The following GABRR2 variants were observed in gnomAD, a reference collection of about 807,000 sequenced individuals.
The protein encoded by GABRR2 is gamma-aminobutyric acid type A receptor subunit rho2, also known as gamma-aminobutyric acid receptor subunit rho-2.
A neutral mutation model predicts 47.0 loss-of-function variants in GABRR2; 36 were observed. The observed-to-expected ratio is 0.77, with a 90% confidence interval of 0.59 to 1.01. GABRR2 has a LOEUF of 1.01. GABRR2 is among the 50% of genes least tolerant of loss of function. The probability of loss-of-function intolerance (pLI) is 0.00; values close to 1 mark genes in which losing one functional copy is unlikely to be tolerated. For synonymous variants in GABRR2, 204 were observed against 227.5 expected, an observed-to-expected ratio of 0.90 and a Z score of 0.93; for missense variants, 587 against 594.6, an observed-to-expected ratio of 0.99 and a Z score of 0.13.
At position 89,261,535 on chromosome 6, in the gene GABRR2, C is replaced by T. The variant is rs772800753; in HGVS notation, c.1086+2877G>A. 3.1e-4 allele frequency among the ~76,000 whole-genome samples: 47 copies of T among 152,172 alleles called. 1 individual carries two copies. Among genetic ancestry groups the T allele is most frequent in the South Asian group, 1.2e-3 (6 of 4,816 alleles). On this transcript the variant is annotated intron_variant, in intron 8 of 8. Transcript: ENST00000402938. ...CTTTTGGGATTTAGACACAACTGAC[C>T]AGCATTAATGCTGAAATAGAGATTG...
chr6:89,299,828 G>A lies in GABRR2; in HGVS notation c.151C>T (p.Arg51Trp), dbSNP rs141245331. The change falls in exon 2 of 9, where the codon CGG (arginine) becomes TGG (tryptophan). Residue 51 changes from arginine to tryptophan, a missense_variant. By Grantham distance (101) the Arg-to-Trp change is moderately radical. Transcript: ENST00000402938. ...YKKNLDVTKI[R>W]KGKPQQLLRV... ...AGAAGCTGCTGAGGCTTTCCCTTCC[G>A]GATCTTGGTCACATCAAGGTTCTTC... The A allele has an allele frequency of 6.1e-5, 98 of 1,613,812 alleles. No homozygotes were observed. The African/African-American group carries it at 7.1e-4, about 12-fold the overall frequency.
intron 8 of GABRR2, among the ~76,000 whole-genome samples, chr6:89,262,613 A>C (rs1773774845): frequency 6.6e-6 from 1 of 152,224 alleles, no homozygotes; most frequent in Non-Finnish European, 1.5e-5. Context: ...GGTATAATGC[A>C]GGTGTTGAAA....
At chr6:89,277,177 A>T (rs541842271) in intron 2 of GABRR2, among the ~76,000 whole-genome samples, 19 of 152,224 alleles carry the variant, frequency 1.2e-4, no homozygotes, top group African/African-American at 4.6e-4. Context: ...CGTGATAGTA[A>T]GTGAGTTCTC....
intron 2 of GABRR2, among the ~76,000 whole-genome samples, chr6:89,285,698 T>G (rs59149966): frequency 0.033 from 4,964 of 152,176 alleles, 285 homozygotes; most frequent in African/African-American, 0.11. Flanking sequence ...ATTACCGACC[T>G]TGAAGGAGAC....
rs372521154 is a variant in GABRR2 at position 89,280,155 on chromosome 6, G to A, written c.221-8433C>T. Among the ~76,000 whole-genome samples the A allele has an allele frequency of 1.2e-4, 18 of 148,726 alleles. No homozygotes were observed. In the East Asian group the frequency reaches 2.4e-3, roughly 20 times the overall value. On this transcript the variant is annotated intron_variant, in intron 2 of 8. Coordinates refer to ENST00000402938, the MANE Select transcript of GABRR2 (RefSeq NM_002043.5). ...ACCCGGGAAGTGGAGGTTGCAGTGA[G>A]CCAAGATCGTGCCACTATATTCCAG...
intron 6 of GABRR2, among the ~76,000 whole-genome samples, 193 bp downstream of exon 6, chr6:89,267,486 G>T (rs1170382002): frequency 2.0e-5 from 3 of 152,194 alleles, no homozygotes; most frequent in Non-Finnish European, 4.4e-5. Context: ...AGGATCACCT[G>T]AGCCTGGGAG....
intron 2 of GABRR2, among the ~76,000 whole-genome samples, chr6:89,282,118 G>A (rs758562489): frequency 6.6e-6 from 1 of 151,224 alleles, no homozygotes; most frequent in Non-Finnish European, 1.5e-5. Context: ...ACACACATTC[G>A]CACATATATA....
At chr6:89,272,567 A>T (rs1774077030) in intron 2 of GABRR2, among the ~76,000 whole-genome samples, 1 of 152,210 alleles carries the variant, frequency 6.6e-6, no homozygotes, top group African/African-American at 2.4e-5. Context: ...GGGAAAAACC[A>T]GCAACCTGCA....
At chr6:89,273,315 C>T (rs1774093487) in intron 2 of GABRR2, among the ~76,000 whole-genome samples, 1 of 152,182 alleles carries the variant, frequency 6.6e-6, no homozygotes, top group Non-Finnish European at 1.5e-5. Flanking sequence ...TCACTGCAAC[C>T]TCTGCCTCCC....
rs186989386 is a variant in GABRR2, at chr6:89,302,178, A to G, written c.114-2313T>C. 121 of 565,382 alleles carry G rather than the reference A, an allele frequency of 2.1e-4. No individual in the cohort carries two copies. The East Asian group carries it at 4.6e-3, about 22-fold the overall frequency. 35.0% of individuals were successfully genotyped at this position (565,382 alleles called of 1,614,324 possible). ...AACTGCGACGGTCTGTAGGGTTTCC[A>G]GCTGACCCTCTCGCTGGGCGGGGGC... On this transcript the variant is annotated intron_variant, in intron 1 of 8. Transcript: ENST00000402938.
chr6:89,282,997 C>T (rs1459014375), intron 2 of GABRR2, among the ~76,000 whole-genome samples: 1 of 152,252 alleles, frequency 6.6e-6, no homozygotes, highest in East Asian at 1.9e-4. Context: ...AGGACTGACT[C>T]CTCAAAGCCC....
chr6:89,299,548 T>C (rs1774612789), intron 2 of GABRR2, among the ~76,000 whole-genome samples: 1 of 152,194 alleles, frequency 6.6e-6, no homozygotes, highest in Non-Finnish European at 1.5e-5. Flanking sequence ...GCTTAGTCAC[T>C]GGTGGGCCCT....
chr6:89,300,326 A>G (rs1447206013), intron 1 of GABRR2, among the ~76,000 whole-genome samples: 1 of 152,194 alleles, frequency 6.6e-6, no homozygotes, highest in African/African-American at 2.4e-5. Flanking sequence ...CCTAGCCAAC[A>G]TGGTGAAACC....
intron 2 of GABRR2, among the ~76,000 whole-genome samples, chr6:89,294,024 C>A (rs1041192402): frequency 2.6e-4 from 40 of 152,200 alleles, no homozygotes; most frequent in African/African-American, 9.6e-4. Context: ...TAGTCCTAAG[C>A]TGATTCCTCT....
intron 2 of GABRR2, among the ~76,000 whole-genome samples, chr6:89,289,947 G>A (rs1774407138): frequency 6.6e-6 from 1 of 152,120 alleles, no homozygotes; most frequent in Non-Finnish European, 1.5e-5. Context: ...GCACAACCTT[G>A]CTTTATAACA....
At chr6:89,291,252 T>A (rs899268538) in intron 2 of GABRR2, among the ~76,000 whole-genome samples, 2 of 151,972 alleles carry the variant, frequency 1.3e-5, no homozygotes, top group Non-Finnish European at 2.9e-5. Context: ...GCCTGGAGCA[T>A]CCCTGAAGGG....
chr6:89,303,190 T>C (rs562117550), intron 1 of GABRR2: 4 of 388,682 alleles, frequency 1.0e-5, no homozygotes, highest in Admixed American at 3.6e-5. Flanking sequence ...AGAGCCATCT[T>C]GCTGTCGACA....
At chr6:89,271,794 G>C in intron 2 of GABRR2, 72 bp from the exon 3 acceptor site, 1 of 1,347,172 alleles carries the variant, frequency 7.4e-7, no homozygotes, top group South Asian at 1.2e-5. Context: ...GCCCCAGTTG[G>C]CTTCCCCCGG....
intron 8 of GABRR2, among the ~76,000 whole-genome samples, chr6:89,260,278 G>T (rs1773717369): frequency 6.6e-6 from 1 of 152,118 alleles, no homozygotes; most frequent in African/African-American, 2.4e-5. Context: ...TCATTGGGGG[G>T]TTATTTATTT....
Sources: gnomAD v4.1 joint callset for allele counts (sites outside exome capture counted in the v4.1 genomes callset) on GRCh38, gnomAD v4.1.1 for gene constraint, MANE v1.5 for transcripts, NCBI Gene and HGNC (gene_info 2026-07-23, HGNC 2026-07-21) for gene names.